CCDC88A: variants seen among roughly 807,000 people sequenced by gnomAD.
CCDC88A encodes the protein coiled-coil and HOOK domain protein 88A.
In CCDC88A, 54 loss-of-function variants were observed where a neutral mutation model predicts 234.3. The ratio of observed to expected loss-of-function variants is 0.23; its 90% confidence interval spans 0.19 to 0.29. CCDC88A has a LOEUF of 0.29. CCDC88A is among the 10% of genes least tolerant of loss of function. CCDC88A has a pLI of 1.00. For synonymous variants in CCDC88A, 753 were observed against 737.8 expected (o/e 1.02, Z -0.33); for missense variants, 1,832 against 2,123.4 (o/e 0.86, Z 2.70).
intron 17 of CCDC88A, among the ~76,000 whole-genome samples, chr2:55,326,964 A>G (rs1263450713): frequency 6.6e-6 from 1 of 152,182 alleles, no homozygotes; most frequent in African/African-American, 2.4e-5. Context: ...CATGAAATTG[A>G]TTTTATTTGC....
intron 16 of CCDC88A, among the ~76,000 whole-genome samples, chr2:55,330,544 TC>T (rs1684795114): frequency 1.3e-5 from 2 of 152,036 alleles, no homozygotes; most frequent in Non-Finnish European, 2.9e-5. Context: ...TATACATAAA[TC>T]CCAAGGTGGA....
intron 18 of CCDC88A, among the ~76,000 whole-genome samples, chr2:55,321,785 A>C (rs1397200665): frequency 6.6e-6 from 1 of 152,154 alleles, no homozygotes; most frequent in Non-Finnish European, 1.5e-5. Flanking sequence ...ATACAGATAA[A>C]TGACAAGAAA....
chr2:55,378,351 T>C (rs1370242376), intron 3 of CCDC88A, among the ~76,000 whole-genome samples: 1 of 152,242 alleles, frequency 6.6e-6, no homozygotes, highest in Admixed American at 6.5e-5. Flanking sequence ...ATGATGCAAA[T>C]TGCTAAATTC....
chr2:55,301,789 T>A, intron 27 of CCDC88A, 83 bp downstream of exon 27: 3 of 1,206,752 alleles, frequency 2.5e-6, no homozygotes, highest in Non-Finnish European at 3.6e-6. Flanking sequence ...TTGCTGCTTT[T>A]TAAAAAGTAC....
intron 18 of CCDC88A, among the ~76,000 whole-genome samples, chr2:55,321,441 C>T (rs1037323114): frequency 6.6e-6 from 1 of 151,566 alleles, no homozygotes; most frequent in Non-Finnish European, 1.5e-5. Context: ...GTCCCAGCTA[C>T]TCGGGAGGCT....
Position 55,334,417 on chromosome 2 carries a change from C to G in CCDC88A, c.2404G>C (p.Glu802Gln). ...AGTCTTTTGCTAGATATTTTTAGTTCTTCTAGGTTTTTCTGCAATGTTTGA... is the reference window on the plus strand; with the variant it reads ...AGTCTTTTGCTAGATATTTTTAGTTGTTCTAGGTTTTTCTGCAATGTTTGA... ...ENQTLQKNLE[E>Q]LKISSKRLEQ... Residue 802 changes from glutamate to glutamine, a missense_variant, in exon 15 of 33, where the codon GAA (glutamate) becomes CAA (glutamine). Transcript: ENST00000436346. This position sits in a 1 kb window ranked among gnomAD's most constrained non-coding sequence, Gnocchi z 6.1. The G allele has an allele frequency of 6.3e-7, 1 of 1,581,702 alleles. No individual in the cohort carries two copies. The highest frequency in any genetic ancestry group is 8.5e-7 in the Non-Finnish European group (1 of 1,171,194).
At chr2:55,343,174 A>C (rs1668714347) in intron 12 of CCDC88A, among the ~76,000 whole-genome samples, 1 of 152,126 alleles carries the variant, frequency 6.6e-6, no homozygotes, top group African/African-American at 2.4e-5. Context: ...ATAATCTTAT[A>C]ATGGAGACTA....
At chr2:55,372,161 G>C (rs1047239880) in intron 5 of CCDC88A, among the ~76,000 whole-genome samples, 1 of 151,820 alleles carries the variant, frequency 6.6e-6, no homozygotes, top group Non-Finnish European at 1.5e-5. Flanking sequence ...GTTTTTAAGG[G>C]CACCTCTGAA....
rs41281503 is a variant in CCDC88A at position 55,343,876 on chromosome 2, T to A, written c.1189-84A>T. 1.6e-3 allele frequency: 1,795 copies of A among 1,142,174 alleles called. 1 individual carries two copies. The highest frequency in any genetic ancestry group is 4.1e-3 in the Middle Eastern group (14 of 3,434). The allele number at this position is 1,142,174 out of a possible 1,614,324, so 70.8% of individuals were successfully genotyped here. A position where few individuals can be genotyped will look rare whatever the true frequency, so the allele number is the denominator to read the frequency against. ...CAAATACTTTATTTCTCACAACTTT[T>A]ATTTATCAGAAACTCAGTAATAATT... is the stretch of plus-strand genomic sequence containing the variant. On this transcript the variant is annotated intron_variant, in intron 11 of 32. Coordinates refer to ENST00000436346, the MANE Select transcript of CCDC88A (RefSeq NM_001365480.1).
intron 2 of CCDC88A, among the ~76,000 whole-genome samples, chr2:55,412,565 A>C (rs536744564): frequency 5.4e-4 from 83 of 152,308 alleles, no homozygotes; most frequent in African/African-American, 2.0e-3. Flanking sequence ...CACTCTCCTC[A>C]TAAGAATCTA....
chr2:55,362,254 A>G (rs1250067249), intron 7 of CCDC88A, 54 bp downstream of exon 7: 5 of 1,395,730 alleles, frequency 3.6e-6, no homozygotes, highest in Admixed American at 5.0e-5. Flanking sequence ...TAAAGCTACT[A>G]TTTTCTTTTT....
intron 26 of CCDC88A, among the ~76,000 whole-genome samples, chr2:55,302,324 C>G (rs1417120160): frequency 2.0e-5 from 3 of 152,142 alleles, no homozygotes; most frequent in Non-Finnish European, 4.4e-5. Context: ...AGGAATTTTA[C>G]TAAGTACGAC....
chr2:55,394,814 TA>T (rs70954115), intron 2 of CCDC88A, among the ~76,000 whole-genome samples: 53,132 of 150,032 alleles, frequency 0.35, 10,219 homozygotes, highest in East Asian at 0.55. Context: ...ATAATAATAA[TA>T]AAAAAAAAAA....
At chr2:55,394,724 G>C (rs1277773422) in intron 2 of CCDC88A, 1 of 149,338 alleles carries the variant, frequency 6.7e-6, no homozygotes, top group East Asian at 2.0e-4. Context: ...TGAGTTAATG[G>C]GTGCAGCACA....
chr2:55,396,378 C>T (rs1677549885), intron 2 of CCDC88A, among the ~76,000 whole-genome samples: 1 of 152,096 alleles, frequency 6.6e-6, no homozygotes, highest in South Asian at 2.1e-4. Context: ...CCCTTACATA[C>T]CTCTCATCTA....
intron 8 of CCDC88A, among the ~76,000 whole-genome samples, chr2:55,353,248 T>G (rs1335186116): frequency 1.3e-5 from 2 of 152,212 alleles, no homozygotes; most frequent in African/African-American, 4.8e-5. Context: ...TTAAACGAAT[T>G]CACAGCCATC....
chr2:55,308,688 A>G, intron 25 of CCDC88A, 121 bp downstream of exon 25: 1 of 691,418 alleles, frequency 1.4e-6, no homozygotes. Flanking sequence ...TAATTTTATG[A>G]TGTTAAATTA....
At chr2:55,376,000 T>C (rs553098550) in intron 3 of CCDC88A, among the ~76,000 whole-genome samples, 4 of 152,312 alleles carry the variant, frequency 2.6e-5, no homozygotes, top group South Asian at 4.1e-4. Flanking sequence ...TTAACTTCTA[T>C]AAAACTTTAG....
chr2:55,341,614 T>C (rs1668510307), intron 12 of CCDC88A, among the ~76,000 whole-genome samples: 1 of 151,218 alleles, frequency 6.6e-6, no homozygotes, highest in Non-Finnish European at 1.5e-5. Context: ...CTGGCTAATT[T>C]TTGTATTTTC....
Sources: gnomAD v4.1 joint callset for allele counts (sites outside exome capture counted in the v4.1 genomes callset) on GRCh38, gnomAD v4.1.1 for gene constraint, Gnocchi (gnomAD v3.1) non-coding constraint, MANE v1.5 for transcripts, NCBI Gene and HGNC (gene_info 2026-07-23, HGNC 2026-07-21) for gene names.